Variants in UTRN observed in about 807,000 individuals in gnomAD.
The protein encoded by UTRN is utrophin.
A neutral mutation model predicts 463.9 loss-of-function variants in UTRN; 283 were observed. That is an observed-to-expected ratio of 0.61 (90% CI 0.55 to 0.67). The LOEUF (loss-of-function observed/expected upper bound fraction) is 0.67, where lower values mean the gene tolerates loss of function less well. Among genes scored for constraint, UTRN ranks in the 30% least tolerant of loss-of-function variants. UTRN has a pLI of 0.00. For synonymous variants in UTRN, 1,442 were observed against 1,431.5 expected (o/e 1.01, Z -0.17); for missense variants, 3,922 against 4,084.3 (o/e 0.96, Z 1.08).
Position 144,476,669 on chromosome 6 carries a change from GA to G in UTRN, c.3336+1914del, listed in dbSNP as rs61054304. 3.8e-3 allele frequency among the ~76,000 whole-genome samples: 578 copies of G among 152,292 alleles called. 1 individual carries two copies. The highest frequency in any genetic ancestry group is 0.013 in the African/African-American group (549 of 41,564). On this transcript the variant is annotated intron_variant, in intron 25 of 74. Coordinates refer to ENST00000367545, the MANE Select transcript of UTRN (RefSeq NM_007124.3). ...TGTGGGGTCCCAAATGCTAGGTGGA[GA>G]AAACTTTTCACAGGGCCTAATGCTG... is the stretch of plus-strand genomic sequence containing the variant.
At chr6:144,628,824 G>A (rs570733314) in intron 51 of UTRN, among the ~76,000 whole-genome samples, 4 of 152,246 alleles carry the variant, frequency 2.6e-5, no homozygotes, top group Admixed American at 6.5e-5. Context: ...ATCTCTTTGG[G>A]ATACATTGGT....
chr6:144,290,788 G>A lies in UTRN; in HGVS notation c.-92-949G>A, dbSNP rs181471580. ...TTTTTTTTTTTTTTTTTTTGAGATG[G>A]AGTCTCACTCTCGTTGCCCAGGGTG... On this transcript the variant is annotated intron_variant, in intron 1 of 74. Transcript: ENST00000367545. Among the ~76,000 whole-genome samples the A allele has an allele frequency of 9.4e-3, 1,126 of 119,392 alleles. 12 individuals are homozygous for A. The highest frequency in any genetic ancestry group is 0.015 in the Non-Finnish European group (901 of 61,428). 78.3% of individuals were successfully genotyped at this position (119,392 alleles called of 152,430 possible).
chr6:144,474,881 A>G, intron 25 of UTRN, 122 bp downstream of exon 25: 1 of 1,149,990 alleles, frequency 8.7e-7, no homozygotes, highest in Non-Finnish European at 1.2e-6. Flanking sequence ...TAACTCCAGC[A>G]TGGGTAGTGA....
intron 61 of UTRN, among the ~76,000 whole-genome samples, chr6:144,786,830 C>T (rs976665646): frequency 2.0e-5 from 3 of 152,140 alleles, no homozygotes; most frequent in African/African-American, 7.2e-5. Flanking sequence ...AGGATTGTCT[C>T]ATATGTTTTC....
At chr6:144,737,296 G>C (rs1358463965) in intron 54 of UTRN, among the ~76,000 whole-genome samples, 1 of 152,152 alleles carries the variant, frequency 6.6e-6, no homozygotes, top group Non-Finnish European at 1.5e-5. Flanking sequence ...TGAGTGATGG[G>C]TAAGTAGCAA....
chr6:144,843,763 A>G (rs1781793274), intron 73 of UTRN, among the ~76,000 whole-genome samples: 1 of 152,062 alleles, frequency 6.6e-6, no homozygotes, highest in Non-Finnish European at 1.5e-5. Flanking sequence ...TTCGTCAAAA[A>G]CTCAAAACCT....
chr6:144,489,646 G>C (rs889000847), intron 30 of UTRN, among the ~76,000 whole-genome samples: 1 of 151,950 alleles, frequency 6.6e-6, no homozygotes, highest in Non-Finnish European at 1.5e-5. Context: ...TTTTTAGACG[G>C]ATTCTCACTC....
intron 2 of UTRN, among the ~76,000 whole-genome samples, chr6:144,328,573 TTTTG>T (rs77436784): frequency 0.25 from 37,938 of 151,780 alleles, 5,504 homozygotes; most frequent in South Asian, 0.38. Flanking sequence ...AATTTATTAA[TTTTG>T]TTTATTTTGC....
At chr6:144,849,205 A>T (rs1782278480) in intron 74 of UTRN, among the ~76,000 whole-genome samples, 1 of 152,160 alleles carries the variant, frequency 6.6e-6, no homozygotes, top group African/African-American at 2.4e-5. Context: ...GGTCACAAAA[A>T]GGGGTATGCA....
intron 53 of UTRN, among the ~76,000 whole-genome samples, chr6:144,710,481 C>G (rs1785562680): frequency 6.6e-6 from 1 of 152,176 alleles, no homozygotes; most frequent in South Asian, 2.1e-4. Context: ...AGTGTAAATG[C>G]CCCAGGCACT....
At chr6:144,567,692 C>T (rs1269913581) in intron 50 of UTRN, among the ~76,000 whole-genome samples, 1 of 152,118 alleles carries the variant, frequency 6.6e-6, no homozygotes, top group Non-Finnish European at 1.5e-5. Flanking sequence ...AGTTTTCTAC[C>T]TGCCACTCAA....
chr6:144,504,824 A>G (rs983866535), intron 34 of UTRN, among the ~76,000 whole-genome samples: 3 of 152,236 alleles, frequency 2.0e-5, no homozygotes, highest in Non-Finnish European at 4.4e-5. Flanking sequence ...GAATAGTTTC[A>G]GAAGGAATGG....
At chr6:144,748,746 A>T (rs937006501) in intron 55 of UTRN, among the ~76,000 whole-genome samples, 1 of 152,158 alleles carries the variant, frequency 6.6e-6, no homozygotes, top group Non-Finnish European at 1.5e-5. Context: ...GATAATTTAC[A>T]TTTATTTTTA....
intron 51 of UTRN, among the ~76,000 whole-genome samples, chr6:144,589,998 C>T (rs1258485731): frequency 1.3e-5 from 2 of 151,824 alleles, no homozygotes; most frequent in African/African-American, 4.8e-5. Context: ...ATCACAGCTA[C>T]TGTGCATGCC....
intron 30 of UTRN, among the ~76,000 whole-genome samples, chr6:144,489,480 T>C (rs1792821933): frequency 1.3e-5 from 2 of 152,076 alleles, no homozygotes; most frequent in African/African-American, 4.8e-5. Flanking sequence ...ATTGTAGTTT[T>C]CTTAGCTGTG....
At chr6:144,494,633 G>A (rs1482010289) in intron 33 of UTRN, among the ~76,000 whole-genome samples, 3 of 152,278 alleles carry the variant, frequency 2.0e-5, no homozygotes, top group South Asian at 4.1e-4. Flanking sequence ...TTGACAGGGC[G>A]CTGATTGGTG....
intron 69 of UTRN, among the ~76,000 whole-genome samples, chr6:144,831,610 T>C (rs1780680067): frequency 6.6e-6 from 1 of 152,178 alleles, no homozygotes; most frequent in South Asian, 2.1e-4. Flanking sequence ...GTACGTTCGA[T>C]TGACTCTGGA....
intron 51 of UTRN, among the ~76,000 whole-genome samples, chr6:144,596,444 A>C (rs1803653863): frequency 6.6e-6 from 1 of 152,150 alleles, no homozygotes; most frequent in South Asian, 2.1e-4. Flanking sequence ...CAAGATCAGG[A>C]GACAGAAGCT....
At chr6:144,295,838 A>G (rs1022976497) in intron 2 of UTRN, among the ~76,000 whole-genome samples, 3 of 152,192 alleles carry the variant, frequency 2.0e-5, no homozygotes, top group African/African-American at 7.2e-5. Context: ...GCCATACTGA[A>G]GTGATTTGTG....
Sources: gnomAD v4.1 joint callset for allele counts (sites outside exome capture counted in the v4.1 genomes callset) on GRCh38, gnomAD v4.1.1 for gene constraint, MANE v1.5 for transcripts, NCBI Gene and HGNC (gene_info 2026-07-23, HGNC 2026-07-21) for gene names.